SIM2: variants seen among roughly 807,000 people sequenced by gnomAD.
The protein encoded by SIM2 is SIM bHLH transcription factor 2.
Under a neutral mutation model 64.8 loss-of-function variants are expected in SIM2, and 28 were observed. That is an observed-to-expected ratio of 0.43 (90% CI 0.32 to 0.59). SIM2 has a LOEUF of 0.59. Ranked by LOEUF, SIM2 falls within the 20% of genes least tolerant of loss-of-function variation. The pLI, the probability that SIM2 is intolerant of heterozygous loss-of-function variation, is 0.07. For missense variants in SIM2, 847 were observed against 871.4 expected (o/e 0.97, Z 0.35); for synonymous variants, 408 against 391.1 (o/e 1.04, Z -0.51).
At chr21:36,709,467 C>A in intron 2 of SIM2, 1 of 683,522 alleles carries the variant, frequency 1.5e-6, no homozygotes, top group East Asian at 2.8e-5. Flanking sequence ...TCTGCCCCCA[C>A]ACCCCGCCGA....
intron 1 of SIM2, among the ~76,000 whole-genome samples, chr21:36,703,451 T>G (rs2088534540): frequency 1.3e-5 from 2 of 152,202 alleles, no homozygotes; most frequent in South Asian, 4.1e-4. Flanking sequence ...CTAAGCATTG[T>G]TCCTATGCCA....
intron 3 of SIM2, among the ~76,000 whole-genome samples, chr21:36,718,722 C>G (rs779128098): frequency 6.6e-6 from 1 of 152,164 alleles, no homozygotes; most frequent in Admixed American, 6.5e-5. Flanking sequence ...GACTCACTGT[C>G]CTTGTCTGCC....
intron 1 of SIM2, among the ~76,000 whole-genome samples, chr21:36,702,610 G>A (rs1031296696): frequency 1.3e-5 from 2 of 148,938 alleles, no homozygotes; most frequent in African/African-American, 2.6e-5. Flanking sequence ...ATGCAAACTG[G>A]TCACCCTTCC....
intron 3 of SIM2, among the ~76,000 whole-genome samples, chr21:36,714,014 A>G (rs969822024): frequency 2.0e-5 from 3 of 152,272 alleles, no homozygotes; most frequent in Non-Finnish European, 4.4e-5. Context: ...TGTTGGGAAC[A>G]GGAAATTTAC....
In SIM2 at chr21:36,714,388, C is replaced by A. The variant is rs540595426; in HGVS notation, c.348+1766C>A. On this transcript the variant is annotated intron_variant, in intron 3 of 10. Coordinates refer to ENST00000290399, the MANE Select transcript of SIM2 (RefSeq NM_005069.6). ...GATCTGAGCTCCCTAGCAGTCAAAG[C>A]AAAAAGGGAAATGTATTCAGTTATA... is the stretch of plus-strand genomic sequence containing the variant. Among the ~76,000 whole-genome samples the A allele has an allele frequency of 3.9e-5, 6 of 152,046 alleles. No individual in the cohort carries two copies. The East Asian group carries it at 9.6e-4, about 24-fold the overall frequency.
At chr21:36,737,120 G>A (rs1258819922) in intron 7 of SIM2, among the ~76,000 whole-genome samples, 2 of 152,086 alleles carry the variant, frequency 1.3e-5, no homozygotes, top group Non-Finnish European at 2.9e-5. Flanking sequence ...GTAAAGATGG[G>A]GTCTTGCTAT....
intron 3 of SIM2, among the ~76,000 whole-genome samples, chr21:36,714,403 A>G (rs371872086): frequency 6.6e-6 from 1 of 152,258 alleles, no homozygotes; most frequent in South Asian, 2.1e-4. Context: ...AGGGAAATGT[A>G]TTCAGTTATA....
chr21:36,733,643 T>C (rs935910408), intron 7 of SIM2, among the ~76,000 whole-genome samples: 5 of 148,838 alleles, frequency 3.4e-5, no homozygotes, highest in Non-Finnish European at 5.9e-5. Flanking sequence ...CACTGCAAGC[T>C]CCTCTTCCCG....
chr21:36,734,138 A>C (rs954227395), intron 7 of SIM2, among the ~76,000 whole-genome samples: 8 of 152,052 alleles, frequency 5.3e-5, no homozygotes, highest in African/African-American at 1.9e-4. Context: ...ACCACACCAC[A>C]CCACACCACG....
chr21:36,723,070 T>A lies in SIM2; in HGVS notation c.483T>A (p.Phe161Leu). ...LQEYEIERSF[F>L]LRMKCVLAKR... ...AGTATGAGATAGAGAGGTCGTTCTT[T>A]CTTCGAATGAAATGTGTCTTGGCGA... The change falls in exon 5 of 11, where the codon TTT (phenylalanine) becomes TTA (leucine). Residue 161 changes from phenylalanine (F) to leucine (L), a missense_variant. Transcript: ENST00000290399. 1 of 1,614,116 alleles carries A rather than the reference T, an allele frequency of 6.2e-7. No individual in the cohort carries two copies. Among genetic ancestry groups the A allele is most frequent in the African/African-American group, 1.3e-5 (1 of 75,022 alleles).
At chr21:36,723,646 T>C (rs942574446) in intron 5 of SIM2, among the ~76,000 whole-genome samples, 1 of 152,148 alleles carries the variant, frequency 6.6e-6, no homozygotes, top group African/African-American at 2.4e-5. Flanking sequence ...CAGCTGCCCA[T>C]TGGAATGAGC....
At chr21:36,730,884 C>G (rs1384033127) in intron 6 of SIM2, among the ~76,000 whole-genome samples, 161 bp from the exon 7 acceptor site, 5 of 152,192 alleles carry the variant, frequency 3.3e-5, no homozygotes. Context: ...GGCTCGAGTT[C>G]AAAGACTTGC....
rs767037878 is a variant in SIM2, at chr21:36,726,077, A to G, written c.544-42A>G. 35 of 1,560,464 alleles carry G rather than the reference A, an allele frequency of 2.2e-5. No individual in the cohort carries two copies. The East Asian group carries it at 7.4e-4, about 33-fold the overall frequency. On this transcript the variant is annotated intron_variant, in intron 5 of 10. Transcript: ENST00000290399. The surrounding 1 kb of genome is among the most constrained non-coding windows in gnomAD (Gnocchi z 4.5). ...GCCAGGAGGAGTGGGCTCCAGCCCA[A>G]CCCCAGTGGCCAGTGGCTGACCCTG... is the stretch of plus-strand genomic sequence containing the variant.
rs1487363185 is a variant in SIM2 at position 36,745,212 on chromosome 21, G to A, written c.1576+76G>A. 2 of 1,520,042 alleles carry A rather than the reference G, an allele frequency of 1.3e-6. No individual in the cohort carries two copies. The highest frequency in any genetic ancestry group is 4.2e-5 in the Admixed American group (2 of 47,246). The allele number at this position is 1,520,042 out of a possible 1,614,324, so 94.2% of individuals were successfully genotyped here. On this transcript the variant is annotated intron_variant, in intron 10 of 10. Transcript: ENST00000290399. The surrounding 1 kb of genome is among the most constrained non-coding windows in gnomAD (Gnocchi z 4.8). ...AGCCGAAGCAGCCATGGCGGTGGGT[G>A]GCAGATGGAGACAGAACCCTCACGC...
intron 7 of SIM2, among the ~76,000 whole-genome samples, chr21:36,734,730 T>C (rs1270923326): frequency 1.3e-5 from 2 of 152,202 alleles, no homozygotes; most frequent in African/African-American, 4.8e-5. Context: ...TCTCCAAAGC[T>C]AGAACTCTCT....
rs558667234 is a variant in SIM2, at chr21:36,735,007, G to A, written c.850+3856G>A. Among the ~76,000 whole-genome samples, 375 of 152,324 alleles carry A rather than the reference G, an allele frequency of 2.5e-3. 1 individual carries two copies. Among genetic ancestry groups the A allele is most frequent in the South Asian group, 5.4e-3 (26 of 4,826 alleles). ...GACTAGACATGGCCAGGGGAGGAGT[G>A]AGCCAGAGAAGAGAAGGAGCCACAA... On this transcript the variant is annotated intron_variant, in intron 7 of 10. Transcript: ENST00000290399.
chr21:36,708,893 C>A (rs1293943319), intron 1 of SIM2, among the ~76,000 whole-genome samples: 1 of 152,222 alleles, frequency 6.6e-6, no homozygotes, highest in Non-Finnish European at 1.5e-5. Context: ...AGCACGTGGG[C>A]GACCCGCGGG....
In SIM2 at chr21:36,749,637, C is replaced by T. The variant is rs932046033; in HGVS notation, c.*1545C>T. The T allele has an allele frequency of 3.3e-5, 5 of 152,156 alleles. No individual in the cohort carries two copies. The highest frequency in any genetic ancestry group is 9.7e-5 in the African/African-American group (4 of 41,424). The allele number at this position is 152,156 out of a possible 1,614,324, so 9.4% of individuals were successfully genotyped here. On this transcript the variant is annotated 3_prime_UTR_variant, in exon 11 of 11. Coordinates refer to ENST00000290399, the MANE Select transcript of SIM2 (RefSeq NM_005069.6). ...CCTCTCCACGCACTCAGCTATACCT[C>T]ATTCACAGCTCCTTGTGAGTGTGTG... is the stretch of plus-strand genomic sequence containing the variant.
At chr21:36,706,926 A>G (rs1266803930) in intron 1 of SIM2, among the ~76,000 whole-genome samples, 1 of 152,222 alleles carries the variant, frequency 6.6e-6, no homozygotes, top group East Asian at 1.9e-4. Context: ...CATACAGAAA[A>G]TTGTCCTGTG....
Sources: allele counts gnomAD v4.1 joint callset (sites outside exome capture counted in the v4.1 genomes callset), GRCh38; gene constraint gnomAD v4.1.1; non-coding constraint Gnocchi (gnomAD v3.1); transcripts MANE v1.5; gene names NCBI Gene and HGNC (gene_info 2026-07-23, HGNC 2026-07-21).